CIZ1: variants seen among roughly 807,000 people sequenced by gnomAD.
CIZ1 encodes cip1-interacting zinc finger protein.
Under a neutral mutation model 118.6 loss-of-function variants are expected in CIZ1, and 58 were observed. The observed-to-expected ratio is 0.49, with a 90% CI of 0.40 to 0.61. The LOEUF is 0.61. Among genes scored for constraint, CIZ1 ranks in the 20% least tolerant of loss-of-function variants. The pLI is 0.00. For synonymous variants in CIZ1, 448 were observed against 443.4 expected, an observed-to-expected ratio of 1.01 and a Z score of -0.13; for missense variants, 921 against 1,115.9, an observed-to-expected ratio of 0.83 and a Z score of 2.49.
At chr9:128,182,245 C>T (rs1831756908) in intron 5 of CIZ1, among the ~76,000 whole-genome samples, 1 of 152,254 alleles carries the variant, frequency 6.6e-6, no homozygotes, top group East Asian at 1.9e-4. Context: ...TAGTGGTCCC[C>T]CGGGCCCAGC....
In CIZ1 at chr9:128,178,954, T is replaced by C; in HGVS notation, c.1253A>G (p.Gln418Arg). The change falls in exon 8 of 17, where the codon CAG becomes CGG. Residue 418 changes from glutamine (Q) to arginine (R), a missense_variant. Coordinates refer to ENST00000372938, the MANE Select transcript of CIZ1 (RefSeq NM_001131016.2). ...QPQAHSQPPR[Q>R]VQLQLQKQVQ... is the part of the protein sequence containing the mutation. ...CTGCTTCTGCAGCTGCAGCTGCACC[T>C]GCCTTGGGGGCTGTGAATGTGCCTG... 1 of 1,613,718 alleles carries C rather than the reference T, an allele frequency of 6.2e-7. No homozygotes were observed. The highest frequency in any genetic ancestry group is 8.5e-7 in the Non-Finnish European group (1 of 1,179,970).
chr9:128,183,293 A>C (rs1050162333), intron 5 of CIZ1, among the ~76,000 whole-genome samples: 1 of 152,208 alleles, frequency 6.6e-6, no homozygotes, highest in Non-Finnish European at 1.5e-5. Context: ...CTCTGGGTCC[A>C]CCTAGACAGC....
rs951938273 is a variant in CIZ1 at position 128,185,538 on chromosome 9, A to C, written c.588+9T>G. 8 of 1,501,350 alleles carry C rather than the reference A, an allele frequency of 5.3e-6. No individual in the cohort carries two copies. The African/African-American group carries it at 1.1e-4, about 21-fold the overall frequency. The allele number at this position is 1,501,350 out of a possible 1,614,324, so 93.0% of individuals were successfully genotyped here. On this transcript the variant is annotated intron_variant, in intron 5 of 16. Transcript: ENST00000372938. ...CTCCCGCCCACTCCCATCCCCACCT[A>C]CCACTCACCTTTCGATTGGGGGTGG...
In CIZ1 at chr9:128,191,221, C is replaced by T. The variant is rs1027534710; in HGVS notation, c.-6+211G>A. On this transcript the variant is annotated intron_variant, in intron 1 of 16. Transcript: ENST00000372938. This position sits in a 1 kb window ranked among gnomAD's most constrained non-coding sequence, Gnocchi z 5.5. ...CTCACTCACAGCCCCTTTTCAATAC[C>T]GCAACCCTCTCTGGGCCCCCGGGTG... 3.1e-5 allele frequency: 10 copies of T among 318,068 alleles called. No individual in the cohort carries two copies. The highest frequency in any genetic ancestry group is 2.2e-4 in the African/African-American group (10 of 46,106). 19.7% of individuals were successfully genotyped at this position (318,068 alleles called of 1,614,324 possible).
At chr9:128,184,611 GC>G (rs1832118590) in intron 5 of CIZ1, among the ~76,000 whole-genome samples, 1 of 150,170 alleles carries the variant, frequency 6.7e-6, no homozygotes, top group South Asian at 2.1e-4. Flanking sequence ...TCCCACCTCA[GC>G]CTCCCAAGTC....
intron 11 of CIZ1, among the ~76,000 whole-genome samples, chr9:128,174,731 C>T (rs1326188777): frequency 6.6e-6 from 1 of 151,958 alleles, no homozygotes; most frequent in Non-Finnish European, 1.5e-5. Context: ...GCGATCTCGG[C>T]TCACTGCAAC....
Position 128,179,059 on chromosome 9 carries a change from GCCTGTGGCTGTA to G in CIZ1, c.1136_1147del (p.Val379_Gln382del), listed in dbSNP as rs1831233987. The G allele has an allele frequency of 6.2e-7, 1 of 1,613,196 alleles. No individual in the cohort carries two copies. Among genetic ancestry groups the G allele is most frequent in the Non-Finnish European group, 8.5e-7 (1 of 1,179,272 alleles). ...CACCTGCCTTGGGCCCTGTGAATGT[GCCTGTGGCTGTA>G]CCTGTGGCTGCACCTGCTTCTGTGG... On this transcript the variant is annotated inframe_deletion, in exon 8 of 17. Coordinates refer to ENST00000372938, the MANE Select transcript of CIZ1 (RefSeq NM_001131016.2).
chr9:128,166,141 TAA>T lies in CIZ1; in HGVS notation c.*54_*55del. ...ATGTCAAAGTTTCCAGGCAGACTCCTAAAAAGCATTAGCAGATCTGGACCCAG... is the reference window on the plus strand; with the variant it reads ...ATGTCAAAGTTTCCAGGCAGACTCCTAAAGCATTAGCAGATCTGGACCCAG... On this transcript the variant is annotated 3_prime_UTR_variant, in exon 17 of 17. Coordinates refer to ENST00000372938, the MANE Select transcript of CIZ1 (RefSeq NM_001131016.2). The surrounding 1 kb of genome is among the most constrained non-coding windows in gnomAD (Gnocchi z 4.4). 8.1e-7 allele frequency: 1 copy of T among 1,230,112 alleles called. No individual in the cohort carries two copies. Among genetic ancestry groups the T allele is most frequent in the Non-Finnish European group, 1.1e-6 (1 of 916,946 alleles). The allele number at this position is 1,230,112 out of a possible 1,614,324, so 76.2% of individuals were successfully genotyped here.
chr9:128,168,282 G>A (rs908197888), intron 14 of CIZ1, among the ~76,000 whole-genome samples: 14 of 152,194 alleles, frequency 9.2e-5, no homozygotes, highest in Non-Finnish European at 1.8e-4. Context: ...TTGGTAGGCC[G>A]AGGTGGGTGG....
In CIZ1 at chr9:128,190,801, C is replaced by G. The variant is rs1564301355; in HGVS notation, c.57G>C (p.Gln19His). ...GCTGCTGGAGCTGCTGCTGCTGTAA[C>G]TGCTGGAGCTGCTGCTGCTGTTGCT... ...QLQQQQQQLQ[Q>H]LQQQQLQQQQ... The change falls in exon 2 of 17, where the codon CAG becomes CAC. Residue 19 changes from glutamine (Q) to histidine (H), a missense_variant. Physicochemically the swap from Gln to His is conservative, Grantham distance 24. Coordinates refer to ENST00000372938, the MANE Select transcript of CIZ1 (RefSeq NM_001131016.2). 1 of 1,541,492 alleles carries G rather than the reference C, an allele frequency of 6.5e-7. No individual in the cohort carries two copies. Among genetic ancestry groups the G allele is most frequent in the East Asian group, 2.4e-5 (1 of 40,972 alleles).
intron 6 of CIZ1, 36 bp from the exon 7 acceptor site, chr9:128,180,559 G>C (rs1218393220): frequency 6.4e-7 from 1 of 1,566,734 alleles, no homozygotes; most frequent in South Asian, 1.1e-5. Context: ...ACTCATGTTG[G>C]GAAGAGCAAG....
At chr9:128,180,380 A>C in intron 7 of CIZ1, 35 bp downstream of exon 7, 210 of 1,379,236 alleles carry the variant, frequency 1.5e-4, no homozygotes, top group Non-Finnish European at 2.0e-4. Context: ...AGCACAGGGC[A>C]CCCGGGCGCA....
At chr9:128,172,829 G>A (rs191868608) in intron 11 of CIZ1, among the ~76,000 whole-genome samples, 2 of 152,036 alleles carry the variant, frequency 1.3e-5, no homozygotes, top group Non-Finnish European at 2.9e-5. Flanking sequence ...GTTATATAAT[G>A]AGCGAATTAT....
At chr9:128,182,684 C>T (rs1831828754) in intron 5 of CIZ1, among the ~76,000 whole-genome samples, 2 of 152,210 alleles carry the variant, frequency 1.3e-5, no homozygotes, top group South Asian at 2.1e-4. Context: ...CCCGTCCCTG[C>T]CCCTAGGCCT....
intron 6 of CIZ1, 23 bp from the exon 7 acceptor site, chr9:128,180,546 G>A (rs1317056847): frequency 6.3e-7 from 1 of 1,590,620 alleles, no homozygotes; most frequent in East Asian, 2.2e-5. Flanking sequence ...CATGAGCGAG[G>A]GAACTCATGT....
chr9:128,169,813 G>GTGAGAT (rs1829914249), intron 12 of CIZ1: 6 of 1,172,658 alleles, frequency 5.1e-6, no homozygotes, highest in Non-Finnish European at 7.3e-6. Context: ...TGAATGGCAG[G>GTGAGAT]TGAGATGGGG....
chr9:128,173,436 C>T (rs112423040), intron 11 of CIZ1, among the ~76,000 whole-genome samples: 13 of 151,786 alleles, frequency 8.6e-5, no homozygotes, highest in Middle Eastern at 6.8e-3. Context: ...TGAGCTACCG[C>T]GCCCGGCCGG....
At position 128,170,099 on chromosome 9, in the gene CIZ1, G is replaced by A. The variant is rs1829949480; in HGVS notation, c.1952C>T (p.Pro651Leu). ...GCAGGTGTTGCACCAGCGCCTTGGTGGAGGCTCCCTGAATGACAACAGTCA... is the reference window on the plus strand; with the variant it reads ...GCAGGTGTTGCACCAGCGCCTTGGTAGAGGCTCCCTGAATGACAACAGTCA... ...DVLETEDEEP[P>L]PRRWCNTCQL... Residue 651 changes from proline to leucine, a missense_variant, in exon 12 of 17, where the codon CCA becomes CTA. Pro to Leu is a moderately conservative substitution (Grantham distance 98, BLOSUM62 -3). Transcript: ENST00000372938. 2 of 1,589,330 alleles carry A rather than the reference G, an allele frequency of 1.3e-6. No homozygotes were observed. The highest frequency in any genetic ancestry group is 1.4e-5 in the African/African-American group (1 of 74,058).
chr9:128,167,515 T>A, intron 14 of CIZ1: 2 of 218,800 alleles, frequency 9.1e-6, no homozygotes, highest in Non-Finnish European at 1.8e-5. Context: ...AAGAAGAAAC[T>A]GAGGCCCAGG....
Sources: gnomAD v4.1 joint callset for allele counts (sites outside exome capture counted in the v4.1 genomes callset) on GRCh38, gnomAD v4.1.1 for gene constraint, Gnocchi (gnomAD v3.1) non-coding constraint, MANE v1.5 for transcripts, NCBI Gene and HGNC (gene_info 2026-07-23, HGNC 2026-07-21) for gene names.